The following ITGBL1 variants were observed in gnomAD, a reference collection of about 807,000 sequenced individuals.
ITGBL1 encodes the protein integrin subunit beta like 1, also known as integrin beta-like protein 1.
ITGBL1 carries 51 observed loss-of-function variants against 68.5 expected under a neutral mutation model. The observed-to-expected ratio is 0.74, with a 90% CI of 0.59 to 0.94. ITGBL1 has a LOEUF of 0.94. ITGBL1 is among the 40% of genes least tolerant of loss of function. ITGBL1 has a pLI of 0.00. For missense variants in ITGBL1, 649 were observed against 647.4 expected (o/e 1.00, Z -0.03); for synonymous variants, 209 against 227.3 (o/e 0.92, Z 0.72).
At chr13:101,609,724 G>C (rs1399611575) in intron 7 of ITGBL1, among the ~76,000 whole-genome samples, 2 of 152,072 alleles carry the variant, frequency 1.3e-5, no homozygotes, top group Non-Finnish European at 2.9e-5. Flanking sequence ...AGAGATGGTA[G>C]AAAATAATTC....
At chr13:101,711,598 AG>A (rs2034469981) in intron 9 of ITGBL1, 1 of 152,362 alleles carries the variant, frequency 6.6e-6, no homozygotes, top group Admixed American at 6.5e-5. Flanking sequence ...ATTGAATCAG[AG>A]TGAAGTCTTC....
intron 7 of ITGBL1, among the ~76,000 whole-genome samples, chr13:101,646,127 A>G (rs1380525882): frequency 2.0e-5 from 3 of 152,122 alleles, no homozygotes; most frequent in East Asian, 1.9e-4. Context: ...TTTACCCTTC[A>G]TTGTTTCTTT....
chr13:101,715,502 G>C, intron 10 of ITGBL1, 61 bp from the exon 11 acceptor site: 1 of 1,090,212 alleles, frequency 9.2e-7, no homozygotes, highest in South Asian at 1.3e-5. Flanking sequence ...ATTTATAATA[G>C]CATGTTTAAA....
At chr13:101,710,491 A>T (rs1175190376) in intron 9 of ITGBL1, among the ~76,000 whole-genome samples, 1 of 152,198 alleles carries the variant, frequency 6.6e-6, no homozygotes, top group African/African-American at 2.4e-5. Flanking sequence ...GTAATGCATG[A>T]AATAGACTAA....
chr13:101,683,843 T>C (rs2033696873), intron 7 of ITGBL1, among the ~76,000 whole-genome samples: 2 of 151,940 alleles, frequency 1.3e-5, no homozygotes, highest in East Asian at 1.9e-4. Context: ...TTTTCATATA[T>C]TTACTGGCCA....
rs567585666 is a variant in ITGBL1, at chr13:101,514,803, C to T, written c.317-52896C>T. 3.3e-5 allele frequency among the ~76,000 whole-genome samples: 5 copies of T among 152,202 alleles called. No homozygotes were observed. The East Asian group carries it at 9.7e-4, about 29-fold the overall frequency. ...TGGGTGTGGTATGTGTGTACCCTCACTTATTCCAACTTAGATGCCTTCCAT... is the reference window on the plus strand; with the variant it reads ...TGGGTGTGGTATGTGTGTACCCTCATTTATTCCAACTTAGATGCCTTCCAT... On this transcript the variant is annotated intron_variant, in intron 2 of 10. Coordinates refer to ENST00000376180, the MANE Select transcript of ITGBL1 (RefSeq NM_004791.3).
chr13:101,606,567 A>G (rs2030871106), intron 7 of ITGBL1, among the ~76,000 whole-genome samples: 1 of 148,878 alleles, frequency 6.7e-6, no homozygotes, highest in South Asian at 2.2e-4. Flanking sequence ...CATCATTATT[A>G]TTATCGATGT....
intron 7 of ITGBL1, among the ~76,000 whole-genome samples, chr13:101,678,235 G>A (rs966235973): frequency 6.6e-6 from 1 of 152,112 alleles, no homozygotes; most frequent in Non-Finnish European, 1.5e-5. Flanking sequence ...TCTTTCTAAT[G>A]TCTGCGACTT....
intron 7 of ITGBL1, among the ~76,000 whole-genome samples, chr13:101,688,145 T>C (rs1476861603): frequency 6.6e-6 from 1 of 152,178 alleles, no homozygotes; most frequent in Non-Finnish European, 1.5e-5. Context: ...AGCATCCTTC[T>C]ACTACATTAA....
intron 2 of ITGBL1, among the ~76,000 whole-genome samples, chr13:101,543,642 C>T (rs907272328): frequency 2.6e-5 from 4 of 152,148 alleles, no homozygotes; most frequent in African/African-American, 9.7e-5. Context: ...GGATAATATC[C>T]TGCAGAGTGT....
intron 3 of ITGBL1, among the ~76,000 whole-genome samples, chr13:101,568,653 A>G (rs1460949736): frequency 2.0e-5 from 3 of 152,050 alleles, no homozygotes; most frequent in Non-Finnish European, 4.4e-5. Context: ...TGATTTTAAT[A>G]TAGATGAGTG....
At chr13:101,693,184 C>G (rs1282378760) in intron 8 of ITGBL1, among the ~76,000 whole-genome samples, 1 of 152,048 alleles carries the variant, frequency 6.6e-6, no homozygotes, top group African/African-American at 2.4e-5. Flanking sequence ...ATGAGTGAGG[C>G]AGATAGAAGG....
chr13:101,601,647 A>G (rs1009970954), intron 7 of ITGBL1, among the ~76,000 whole-genome samples: 2 of 151,994 alleles, frequency 1.3e-5, no homozygotes, highest in African/African-American at 2.4e-5. Flanking sequence ...CTTTGTTCTC[A>G]TTGGTTTCAA....
At chr13:101,479,065 AG>A (rs1360765660) in intron 2 of ITGBL1, among the ~76,000 whole-genome samples, 3 of 152,076 alleles carry the variant, frequency 2.0e-5, no homozygotes, top group African/African-American at 7.2e-5. Flanking sequence ...ATTATAACAC[AG>A]AGCTATAGTA....
intron 7 of ITGBL1, among the ~76,000 whole-genome samples, chr13:101,686,789 C>T (rs998031546): frequency 2.0e-5 from 3 of 151,982 alleles, no homozygotes; most frequent in Non-Finnish European, 4.4e-5. Flanking sequence ...ATTTTATAAA[C>T]CCAGAGCAGA....
chr13:101,605,453 CAT>C (rs370535350), intron 7 of ITGBL1, among the ~76,000 whole-genome samples: 5 of 149,870 alleles, frequency 3.3e-5, no homozygotes, highest in Non-Finnish European at 7.4e-5. Flanking sequence ...TATATATACA[CAT>C]ATATAGACAT....
At chr13:101,691,282 C>T (rs921465533) in intron 7 of ITGBL1, among the ~76,000 whole-genome samples, 2 of 152,196 alleles carry the variant, frequency 1.3e-5, no homozygotes, top group Admixed American at 6.5e-5. Flanking sequence ...CAGCACAACA[C>T]TGTATTGCCA....
At chr13:101,599,263 G>A (rs572054491) in intron 7 of ITGBL1, among the ~76,000 whole-genome samples, 2 of 151,880 alleles carry the variant, frequency 1.3e-5, no homozygotes, top group African/African-American at 2.4e-5. Context: ...CATATCCTTT[G>A]CCCACTTTTT....
intron 7 of ITGBL1, among the ~76,000 whole-genome samples, chr13:101,625,289 T>C (rs541704505): frequency 6.6e-6 from 1 of 152,322 alleles, no homozygotes; most frequent in African/African-American, 2.4e-5. Flanking sequence ...TTCTTAGTTA[T>C]AAATGGGTGG....
Sources: gnomAD v4.1 joint callset for allele counts (sites outside exome capture counted in the v4.1 genomes callset) on GRCh38, gnomAD v4.1.1 for gene constraint, MANE v1.5 for transcripts, NCBI Gene and HGNC (gene_info 2026-07-23, HGNC 2026-07-21) for gene names.